Variants in DNAH2 observed in about 807,000 individuals in gnomAD.
DNAH2 encodes the protein axonemal beta dynein heavy chain 2.
Under a neutral mutation model 523.5 loss-of-function variants are expected in DNAH2, and 323 were observed. The observed-to-expected ratio is 0.62, with a 90% CI of 0.56 to 0.68. DNAH2 has a LOEUF of 0.68. Among genes scored for constraint, DNAH2 ranks in the 30% least tolerant of loss-of-function variants. The pLI is 0.00. For synonymous variants in DNAH2, 2,093 were observed against 2,177.4 expected (o/e 0.96, Z 1.08); for missense variants, 4,907 against 5,701.5 (o/e 0.86, Z 4.49).
chr17:7,740,771 T>C (rs2075289978), intron 10 of DNAH2, 39 bp from the exon 11 acceptor site: 1 of 1,584,230 alleles, frequency 6.3e-7, no homozygotes, highest in African/African-American at 1.3e-5. Flanking sequence ...GAACCCGCCT[T>C]CCCGGGCACG....
At chr17:7,775,389 C>T (rs1230587020) in intron 30 of DNAH2, 47 bp downstream of exon 30, 3 of 1,557,746 alleles carry the variant, frequency 1.9e-6, no homozygotes, top group African/African-American at 1.4e-5. Flanking sequence ...CTTCTTCCTA[C>T]AGAAAGTTCA....
intron 61 of DNAH2, 45 bp downstream of exon 61, chr17:7,805,438 T>C: frequency 1.9e-6 from 3 of 1,612,048 alleles, no homozygotes; most frequent in Non-Finnish European, 2.5e-6. Flanking sequence ...TCACCCAGTG[T>C]TTATTGATCG....
Position 7,760,148 on chromosome 17 carries a change from A to G in DNAH2, c.2785+210A>G, listed in dbSNP as rs7220475. 0.058 allele frequency among the ~76,000 whole-genome samples: 8,880 copies of G among 152,198 alleles called. 428 individuals are homozygous for G. Among genetic ancestry groups the G allele is most frequent in the Admixed American group, 0.12 (1,868 of 15,278 alleles). Reference sequence around the variant, plus strand: ...TTTGGGAGGCTGAGGCAGGCAGGTCATTTGAGGTCAGGAGTTCGAGACTAG... The same window carrying G: ...TTTGGGAGGCTGAGGCAGGCAGGTCGTTTGAGGTCAGGAGTTCGAGACTAG... On this transcript the variant is annotated intron_variant, in intron 17 of 85. Transcript: ENST00000572933. This position sits in a 1 kb window ranked among gnomAD's most constrained non-coding sequence, Gnocchi z 4.0.
intron 28 of DNAH2, among the ~76,000 whole-genome samples, chr17:7,771,724 A>C (rs186429794): frequency 1.3e-5 from 2 of 151,144 alleles, no homozygotes; most frequent in Non-Finnish European, 3.0e-5. Flanking sequence ...TATTAAAAAA[A>C]ATTTTTTTTT....
chr17:7,739,773 G>A lies in DNAH2; in HGVS notation c.1211G>A (p.Gly404Asp). ...TATCACTTCGCCCGCTGGGAAGATG[G>A]CAAGCAGGGTCCCCTTCCTTGCTTC... ...CQYHFARWED[G>D]KQGPLPCFFG... Residue 404 changes from glycine (G) to aspartate (D), a missense_variant, in exon 9 of 86, where the codon GGC becomes GAC. By Grantham distance (94) the Gly-to-Asp change is moderately conservative (BLOSUM62 -1). Around this residue, in one of 3 missense-constraint regions of DNAH2, gnomAD observed 2,806 missense variants for 3,190.8 expected, o/e 0.88. Transcript: ENST00000572933. 1 of 1,613,730 alleles carries A rather than the reference G, an allele frequency of 6.2e-7. No individual in the cohort carries two copies. Among genetic ancestry groups the A allele is most frequent in the African/African-American group, 1.3e-5 (1 of 74,994 alleles).
chr17:7,763,314 G>A (rs148406677), intron 18 of DNAH2, among the ~76,000 whole-genome samples: 3,405 of 152,176 alleles, frequency 0.022, 54 homozygotes, highest in Middle Eastern at 0.044. Context: ...GCCTGCCACC[G>A]CACTTGGCTA....
At position 7,760,939 on chromosome 17, in the gene DNAH2, G is replaced by C. The variant is rs1200575267; in HGVS notation, c.2978+7G>C. On this transcript the variant is annotated splice_region_variant and intron_variant, in intron 18 of 85. Transcript: ENST00000572933. The surrounding 1 kb of genome is among the most constrained non-coding windows in gnomAD (Gnocchi z 4.0). ...TTGTTGCCGACATTGCCCGGTGAGT[G>C]GTGAGGGTGGATTGAAAGTCTGTCT... 6.2e-7 allele frequency: 1 copy of C among 1,613,444 alleles called. No homozygotes were observed. The highest frequency in any genetic ancestry group is 8.5e-7 in the Non-Finnish European group (1 of 1,179,618).
In DNAH2 at chr17:7,733,211, T is replaced by G. The variant is rs2075041258; in HGVS notation, c.524T>G (p.Leu175Arg). The change falls in exon 5 of 86, where the codon CTC (leucine) becomes CGC (arginine). Residue 175 changes from leucine (L) to arginine (R), a missense_variant. Around this residue, in one of 3 missense-constraint regions of DNAH2, gnomAD observed 2,806 missense variants for 3,190.8 expected, o/e 0.88. Transcript: ENST00000572933. ...TATATCCCGGCCCTGCTTCGGCTGC[T>G]CGGTGGAGTCTTTGCCCCTCAGATC... is the stretch of plus-strand genomic sequence containing the variant. ...GPYIPALLRL[L>R]GGVFAPQIFA... 4 of 1,614,100 alleles carry G rather than the reference T, an allele frequency of 2.5e-6. No individual in the cohort carries two copies. Among genetic ancestry groups the G allele is most frequent in the Non-Finnish European group, 3.4e-6 (4 of 1,180,044 alleles).
At chr17:7,810,577 T>G (rs1277031173) in intron 63 of DNAH2, among the ~76,000 whole-genome samples, 1 of 151,898 alleles carries the variant, frequency 6.6e-6, no homozygotes, top group African/African-American at 2.4e-5. Flanking sequence ...TTAGTAGAGA[T>G]GGGGTTTCAC....
intron 49 of DNAH2, among the ~76,000 whole-genome samples, chr17:7,796,169 C>T (rs2077058268): frequency 6.6e-6 from 1 of 151,386 alleles, no homozygotes; most frequent in African/African-American, 2.4e-5. Context: ...CTGCCTCAGC[C>T]TCCCAAGTAG....
intron 3 of DNAH2, among the ~76,000 whole-genome samples, chr17:7,726,160 C>G (rs2074801932): frequency 1.3e-5 from 2 of 152,030 alleles, no homozygotes; most frequent in East Asian, 3.9e-4. Context: ...AACCCACCAC[C>G]ATGCCTGGCT....
rs550387246 is a variant in DNAH2 at position 7,831,406 on chromosome 17, C to T, written c.12476C>T (p.Ala4159Val). The T allele has an allele frequency of 1.7e-5, 28 of 1,614,098 alleles. No individual in the cohort carries two copies. The East Asian group carries it at 6.0e-4, about 35-fold the overall frequency. Reference sequence around the variant, plus strand: ...CCTGCTCAGGTCCTTGAGTTGGCCGCTGATGTGAAGCAGAAGATCCCTGAA... The same window carrying T: ...CCTGCTCAGGTCCTTGAGTTGGCCGTTGATGTGAAGCAGAAGATCCCTGAA... Reference protein sequence around the residue: ...TREEKVLELAADVKQKIPEMI... With the variant: ...TREEKVLELAVDVKQKIPEMI... Residue 4159 changes from alanine to valine, a missense_variant, in exon 81 of 86, where the codon GCT (alanine) becomes GTT (valine). Coordinates refer to ENST00000572933, the MANE Select transcript of DNAH2 (RefSeq NM_020877.5). This position sits in a 1 kb window ranked among gnomAD's most constrained non-coding sequence, Gnocchi z 4.2.
intron 11 of DNAH2, 48 bp from the exon 12 acceptor site, chr17:7,742,878 TGG>T: frequency 7.6e-7 from 1 of 1,311,612 alleles, no homozygotes; most frequent in Non-Finnish European, 9.9e-7. Flanking sequence ...TGGTGGCCCC[TGG>T]AGGAAGGTGG....
intron 49 of DNAH2, among the ~76,000 whole-genome samples, chr17:7,794,804 G>C (rs2077019044): frequency 6.7e-6 from 1 of 149,078 alleles, no homozygotes; most frequent in African/African-American, 2.5e-5. Flanking sequence ...GCCCAGGCTG[G>C]AATGCAGTGG....
In DNAH2 at chr17:7,788,181, C is replaced by T. The variant is rs551122128; in HGVS notation, c.6837C>T (p.Pro2279=). ...ACTGCAAGGAGCTGGTGCCCCTGCC[C>T]GAGTACAGCGGTATCACCTCCCTCT... is the stretch of plus-strand genomic sequence containing the variant. ...KDNCKELVPL[P]EYSGITSLCK... Residue 2279 remains proline, a synonymous_variant, in exon 44 of 86, where the codon CCC becomes CCT. Coordinates refer to ENST00000572933, the MANE Select transcript of DNAH2 (RefSeq NM_020877.5). 2.6e-4 allele frequency: 424 copies of T among 1,612,722 alleles called. 2 individuals are homozygous for T. In the South Asian group the frequency reaches 4.2e-3, roughly 16 times the overall value.
chr17:7,787,231 A>G, intron 42 of DNAH2, 198 bp downstream of exon 42: 1 of 692,174 alleles, frequency 1.4e-6, no homozygotes, highest in Non-Finnish European at 2.4e-6. Flanking sequence ...GAACAATGAT[A>G]AGAAAAACAC....
In DNAH2 at chr17:7,770,397, G is replaced by T. The variant is rs1416400773; in HGVS notation, c.4087G>T (p.Ala1363Ser). 2 of 1,613,040 alleles carry T rather than the reference G, an allele frequency of 1.2e-6. No homozygotes were observed. The highest frequency in any genetic ancestry group is 1.1e-5 in the South Asian group (1 of 90,892). ...CTCTGCTTCAGCAACTAAAGAGCTG[G>T]CTATAGAAGTGGTACGACAGTCCCC... ...EISASATKEL[A>S]IEVALQNIAK... is the part of the protein sequence containing the mutation. Residue 1363 changes from alanine to serine, a missense_variant, in exon 25 of 86, where the codon GCT becomes TCT. By Grantham distance (99) the Ala-to-Ser change is moderately conservative (BLOSUM62 1). Around this residue, in one of 3 missense-constraint regions of DNAH2, gnomAD observed 2,806 missense variants for 3,190.8 expected, o/e 0.88. Transcript: ENST00000572933.
At chr17:7,818,151 G>A in intron 68 of DNAH2, 55 bp downstream of exon 68, 4 of 1,606,064 alleles carry the variant, frequency 2.5e-6, no homozygotes, top group African/African-American at 1.3e-5. Flanking sequence ...GGAAGGGCTG[G>A]CTCTCTGACT....
rs1165022629 is a variant in DNAH2 at position 7,734,205 on chromosome 17, G to A, written c.651G>A (p.Gly217=). 1.2e-6 allele frequency: 2 copies of A among 1,600,198 alleles called. No individual in the cohort carries two copies. The highest frequency in any genetic ancestry group is 8.5e-7 in the Non-Finnish European group (1 of 1,172,978). Residue 217 remains glycine, a synonymous_variant, in exon 6 of 86, where the codon GGG becomes GGA. Transcript: ENST00000572933. The part of the protein sequence containing the change: ...CLTDTRYKLE[G]HTVLYIPAEA... ...TAGACACTCGGTACAAACTGGAGGG[G>A]CACACGGTCCTCTACATCCCTGCAG...
Sources: gnomAD v4.1 joint callset for allele counts (sites outside exome capture counted in the v4.1 genomes callset) on GRCh38, gnomAD v4.1.1 for gene constraint, gnomAD v4.1.1 regional missense constraint, Gnocchi (gnomAD v3.1) non-coding constraint, MANE v1.5 for transcripts, NCBI Gene and HGNC (gene_info 2026-07-23, HGNC 2026-07-21) for gene names.